Variants in HK1 observed in about 807,000 individuals in gnomAD.
HK1 encodes the protein hexokinase-1.
HK1 carries 28 observed loss-of-function variants against 91.6 expected under a neutral mutation model. That is an observed-to-expected ratio of 0.31 (90% confidence interval 0.23 to 0.42). HK1 has a LOEUF of 0.42. Ranked by LOEUF, HK1 falls within the 10% of genes least tolerant of loss-of-function variation. The pLI is 1.00. For synonymous variants in HK1, 430 were observed against 468.1 expected, an observed-to-expected ratio of 0.92 and a Z score of 1.05; for missense variants, 770 against 1,219.8, an observed-to-expected ratio of 0.63 and a Z score of 5.49.
Position 69,293,215 on chromosome 10 carries a change from A to G in HK1, c.-114-2418A>G, listed in dbSNP as rs149219380. On this transcript the variant is annotated intron_variant, in intron 3 of 21. Transcript: ENST00000360289. ...CCTTGGGTAGCCTTCTTCTGTGCCC[A>G]GTGACACAGGACAGCTCAGTTCCCA... Among the ~76,000 whole-genome samples, 37 of 152,264 alleles carry G rather than the reference A, an allele frequency of 2.4e-4. No individual in the cohort carries two copies. In the East Asian group the frequency reaches 6.8e-3, roughly 28 times the overall value.
At chr10:69,293,610 C>T (rs181152209) in intron 3 of HK1, among the ~76,000 whole-genome samples, 21 of 152,278 alleles carry the variant, frequency 1.4e-4, no homozygotes, top group African/African-American at 5.1e-4. Context: ...ACTGAGCTCA[C>T]CTGGAACGGC....
intron 7 of HK1, among the ~76,000 whole-genome samples, chr10:69,373,150 TGAGCCCCCGTG>T (rs1850105042): frequency 1.3e-5 from 2 of 152,234 alleles, no homozygotes; most frequent in Non-Finnish European, 2.9e-5. Flanking sequence ...ATTACAGACG[TGAGCCCCCGTG>T]CCCAGCCATT....
chr10:69,271,138 T>C (rs999591959), intron 1 of HK1: 3 of 152,168 alleles, frequency 2.0e-5, no homozygotes, highest in Non-Finnish European at 2.9e-5. Flanking sequence ...GATATATAAA[T>C]ATCTGTAATA....
In HK1 at chr10:69,369,403, C is replaced by G; in HGVS notation, c.692-38C>G. The G allele has an allele frequency of 6.2e-7, 1 of 1,613,998 alleles. No homozygotes were observed. Among genetic ancestry groups the G allele is most frequent in the Non-Finnish European group, 8.5e-7 (1 of 1,179,816 alleles). ...TTTCCAGGTGGCTCTGCACCCTCCCCGTTGTGTGGTCATAGCTTCTGATCT... is the reference window on the plus strand; with the variant it reads ...TTTCCAGGTGGCTCTGCACCCTCCCGGTTGTGTGGTCATAGCTTCTGATCT... On this transcript the variant is annotated intron_variant, in intron 6 of 17. Transcript: ENST00000359426. The surrounding 1 kb of genome is among the most constrained non-coding windows in gnomAD (Gnocchi z 4.4).
chr10:69,281,632 T>C (rs2132429561), intron 1 of HK1, among the ~76,000 whole-genome samples: 1 of 152,328 alleles, frequency 6.6e-6, no homozygotes, highest in African/African-American at 2.4e-5. Context: ...GCAACTGTGA[T>C]TTGTGTGATT....
intron 3 of HK1, among the ~76,000 whole-genome samples, chr10:69,293,264 T>G (rs1487485400): frequency 6.6e-6 from 1 of 152,186 alleles, no homozygotes; most frequent in Non-Finnish European, 1.5e-5. Context: ...GCCCTGGGCA[T>G]GTTAGGCAGG....
At chr10:69,290,836 T>C (rs930719587) in intron 3 of HK1, among the ~76,000 whole-genome samples, 3 of 152,176 alleles carry the variant, frequency 2.0e-5, no homozygotes, top group African/African-American at 4.8e-5. Context: ...TTCTGTCCTG[T>C]TCCTAATGCC....
upstream of HK1, among the ~76,000 whole-genome samples, chr10:69,311,610 G>A (rs1350321091): frequency 6.6e-6 from 1 of 152,070 alleles, no homozygotes; most frequent in Non-Finnish European, 1.5e-5. Context: ...CAACAATCTG[G>A]TTAACCCTTC....
chr10:69,377,592 T>C (rs1839179896), intron 8 of HK1, among the ~76,000 whole-genome samples: 1 of 152,090 alleles, frequency 6.6e-6, no homozygotes, highest in Admixed American at 6.6e-5. Flanking sequence ...CCTTGACCAA[T>C]AGGATTGGGA....
At chr10:69,321,013 C>G (rs1456922900) in intron 1 of HK1, among the ~76,000 whole-genome samples, 1 of 152,222 alleles carries the variant, frequency 6.6e-6, no homozygotes, top group Non-Finnish European at 1.5e-5. Context: ...CCCTTCTCTT[C>G]CCCGAGAACC....
At chr10:69,300,780 C>T (rs1845821760) in exon 5 of HK1, 1 of 1,599,282 alleles carries the variant, frequency 6.3e-7, no homozygotes. Flanking sequence ...ATTGTTGATG[C>T]TCTTGAGAGC....
Position 69,384,879 on chromosome 10 carries a change from G to T in HK1, c.1803G>T (p.Thr601=). 1.2e-6 allele frequency: 2 copies of T among 1,614,148 alleles called. No individual in the cohort carries two copies. The highest frequency in any genetic ancestry group is 1.7e-6 in the Non-Finnish European group (2 of 1,180,014). The change falls in exon 12 of 18, where the codon ACG becomes ACT. Residue 601 remains threonine (T), a synonymous_variant. Coordinates refer to ENST00000359426, the MANE Select transcript of HK1 (RefSeq NM_000188.3). The part of the protein sequence containing the change: ...IKGPRMPLGF[T]FSFPCQQTSL... ...GCCCCAGGATGCCTCTGGGCTTCAC[G>T]TTCTCATTTCCCTGCCAGCAGACGA...
upstream of HK1, chr10:69,318,805 G>A: frequency 2.2e-6 from 3 of 1,393,344 alleles, no homozygotes; most frequent in Non-Finnish European, 2.8e-6. Context: ...GCGAGCTGTC[G>A]CCGCGCCCCG....
chr10:69,366,343 C>T (rs1849698528), intron 4 of HK1, among the ~76,000 whole-genome samples: 1 of 152,274 alleles, frequency 6.6e-6, no homozygotes, highest in Non-Finnish European at 1.5e-5. Context: ...GGGCACCTTC[C>T]ACACTTGCAG....
chr10:69,315,878 C>G (rs1429401350), upstream of HK1: 2 of 1,448,468 alleles, frequency 1.4e-6, no homozygotes, highest in African/African-American at 2.8e-5. Flanking sequence ...CTACCACAAC[C>G]TGACACTGGG....
chr10:69,374,516 T>A (rs1425264613), intron 7 of HK1, among the ~76,000 whole-genome samples: 1 of 152,218 alleles, frequency 6.6e-6, no homozygotes, highest in Non-Finnish European at 1.5e-5. Flanking sequence ...GAGAGGCAGA[T>A]CATGACTTGC....
At chr10:69,393,247 CTGGGATTACAGGTGT>C (rs1839985006) in intron 15 of HK1, among the ~76,000 whole-genome samples, 1 of 152,120 alleles carries the variant, frequency 6.6e-6, no homozygotes, top group African/African-American at 2.4e-5. Context: ...TCCTAAAGTG[CTGGGATTACAGGTGT>C]GAGCCACCGC....
At position 69,288,856 on chromosome 10, in the gene HK1, G is replaced by A. The variant is rs947239517; in HGVS notation, c.-115+86G>A. 45 of 1,136,392 alleles carry A rather than the reference G, an allele frequency of 4.0e-5. No homozygotes were observed. In the African/African-American group the frequency reaches 6.3e-4, roughly 16 times the overall value. 70.4% of individuals were successfully genotyped at this position (1,136,392 alleles called of 1,614,324 possible). The stretch of plus-strand genomic sequence containing the variant: ...GGCTGGAGTGTAGTGGCGCGATCTC[G>A]GCTCACTATAACCTCTGCCTCCCGG... On this transcript the variant is annotated intron_variant, in intron 3 of 21. Transcript: ENST00000360289.
Position 69,384,791 on chromosome 10 carries a change from T to C in HK1, c.1720-5T>C. On this transcript the variant is annotated splice_polypyrimidine_tract_variant and splice_region_variant and intron_variant, in intron 11 of 17. Coordinates refer to ENST00000359426, the MANE Select transcript of HK1 (RefSeq NM_000188.3). The stretch of plus-strand genomic sequence containing the variant: ...GCACGGGCGATCCTTTCTTTTCCCC[T>C]GCAGCTGTTTGATCACATTGTCTCC... The C allele has an allele frequency of 6.2e-7, 1 of 1,614,212 alleles. No homozygotes were observed. Among genetic ancestry groups the C allele is most frequent in the Non-Finnish European group, 8.5e-7 (1 of 1,180,028 alleles).
Sources: gnomAD v4.1 joint callset for allele counts (sites outside exome capture counted in the v4.1 genomes callset) on GRCh38, gnomAD v4.1.1 for gene constraint, Gnocchi (gnomAD v3.1) non-coding constraint, MANE v1.5 for transcripts, NCBI Gene and HGNC (gene_info 2026-07-23, HGNC 2026-07-21) for gene names.